Variants in MSRB3 observed in about 807,000 individuals in gnomAD.
The protein encoded by MSRB3 is methionine sulfoxide reductase B3.
In MSRB3, 13 loss-of-function variants were observed where a neutral mutation model predicts 21.0. That is an observed-to-expected ratio of 0.62 (90% CI 0.40 to 0.98). The LOEUF is 0.98. Ranked by LOEUF, MSRB3 falls within the 50% of genes least tolerant of loss-of-function variation. The probability of loss-of-function intolerance (pLI) is 0.00; values close to 1 mark genes in which losing one functional copy is unlikely to be tolerated. For missense variants in MSRB3, 199 were observed against 230.3 expected, an observed-to-expected ratio of 0.86 and a Z score of 0.88; for synonymous variants, 87 against 88.6, an observed-to-expected ratio of 0.98 and a Z score of 0.10.
chr12:65,289,037 G>A (rs1872542789), intron 1 of MSRB3, among the ~76,000 whole-genome samples: 1 of 152,166 alleles, frequency 6.6e-6, no homozygotes. Flanking sequence ...TGTGAAAGAT[G>A]CCTGTGAGAC....
At chr12:65,428,057 A>G (rs2136657626) in intron 5 of MSRB3, among the ~76,000 whole-genome samples, 1 of 152,260 alleles carries the variant, frequency 6.6e-6, no homozygotes. Context: ...AAGCAGCTCA[A>G]CAGTGGCCAC....
At chr12:65,279,145 G>C in intron 1 of MSRB3, 2 of 1,208,288 alleles carry the variant, frequency 1.7e-6, no homozygotes, top group Non-Finnish European at 2.1e-6. Context: ...CCTGTCCCGG[G>C]AGCGAACCTG....
chr12:65,284,008 C>CT lies in MSRB3; in HGVS notation c.-52+5143_-52+5144insT, dbSNP rs1319102960. ...CAGGGGGAAGGAGAGGACAGCAACT[C>CT]ATACAGAAGGAAATCAGCTTTTGTT... On this transcript the variant is annotated intron_variant, in intron 1 of 6. Transcript: ENST00000308259. 7 of 152,302 alleles carry CT rather than the reference C, an allele frequency of 4.6e-5. No homozygotes were observed. In the East Asian group the frequency reaches 1.4e-3, roughly 29 times the overall value. 9.4% of individuals were successfully genotyped at this position (152,302 alleles called of 1,614,324 possible). A position where few individuals can be genotyped will look rare whatever the true frequency, so the allele number is the denominator to read the frequency against.
At chr12:65,418,820 T>C in intron 5 of MSRB3, 1 of 917,954 alleles carries the variant, frequency 1.1e-6, no homozygotes, top group Non-Finnish European at 1.8e-6. Flanking sequence ...ATGGAGTTAC[T>C]GCTGTCCAAG....
At chr12:65,431,683 TG>T (rs1396746093) in intron 5 of MSRB3, among the ~76,000 whole-genome samples, 1 of 152,096 alleles carries the variant, frequency 6.6e-6, no homozygotes, top group Non-Finnish European at 1.5e-5. Flanking sequence ...TGAAAAATCC[TG>T]GGAAGTGAAC....
At chr12:65,314,365 A>G (rs1482862497) in intron 2 of MSRB3, among the ~76,000 whole-genome samples, 1 of 152,132 alleles carries the variant, frequency 6.6e-6, no homozygotes, top group Non-Finnish European at 1.5e-5. Flanking sequence ...TTAAGCATGA[A>G]TCGATTTTTG....
At chr12:65,287,567 A>G (rs779149814) in intron 1 of MSRB3, among the ~76,000 whole-genome samples, 10 of 152,220 alleles carry the variant, frequency 6.6e-5, no homozygotes, top group Non-Finnish European at 1.5e-4. Context: ...AGGTAAGGTC[A>G]TATCTTCCTG....
intron 5 of MSRB3, among the ~76,000 whole-genome samples, chr12:65,410,652 A>T (rs796522532): frequency 1.2e-4 from 19 of 152,238 alleles, no homozygotes; most frequent in African/African-American, 4.3e-4. Flanking sequence ...TCAAAAAAGA[A>T]ACCCCAGCTC....
intron 2 of MSRB3, among the ~76,000 whole-genome samples, chr12:65,309,711 C>G (rs1873872774): frequency 6.6e-6 from 1 of 152,178 alleles, no homozygotes; most frequent in Admixed American, 6.5e-5. Context: ...GGTGCTTGAG[C>G]TGAATCTCAG....
chr12:65,334,382 T>C (rs1875626982), intron 4 of MSRB3, among the ~76,000 whole-genome samples: 1 of 152,188 alleles, frequency 6.6e-6, no homozygotes, highest in African/African-American at 2.4e-5. Context: ...ACAGCCAGTA[T>C]ACAAATGGAT....
chr12:65,305,072 C>G, intron 1 of MSRB3: 1 of 141,344 alleles, frequency 7.1e-6, no homozygotes, highest in African/African-American at 2.6e-5. Context: ...TGTTATTTTT[C>G]TTTTTTTTTT....
chr12:65,311,995 T>G (rs1874016197), intron 2 of MSRB3, among the ~76,000 whole-genome samples: 1 of 152,022 alleles, frequency 6.6e-6, no homozygotes, highest in Non-Finnish European at 1.5e-5. Context: ...AAAGGTAATT[T>G]TTCTCTCGCA....
chr12:65,327,016 A>C (rs1313899635), intron 3 of MSRB3, 82 bp downstream of exon 3: 1 of 962,610 alleles, frequency 1.0e-6, no homozygotes. Context: ...CTTGCCAATT[A>C]ATTTAAAGCA....
intron 5 of MSRB3, among the ~76,000 whole-genome samples, chr12:65,421,451 G>C (rs1366125001): frequency 6.6e-6 from 1 of 152,172 alleles, no homozygotes; most frequent in African/African-American, 2.4e-5. Flanking sequence ...TTGCTGTGCA[G>C]AAGCTCTTAA....
intron 4 of MSRB3, among the ~76,000 whole-genome samples, chr12:65,332,518 G>A (rs372684785): frequency 2.0e-5 from 3 of 152,188 alleles, no homozygotes; most frequent in South Asian, 2.1e-4. Flanking sequence ...GAAAGCATTA[G>A]GAGATATATT....
intron 5 of MSRB3, among the ~76,000 whole-genome samples, chr12:65,426,140 G>A (rs1483583214): frequency 1.3e-5 from 2 of 152,166 alleles, no homozygotes; most frequent in South Asian, 2.1e-4. Flanking sequence ...GGGATTACAG[G>A]TGTGAGCCAC....
chr12:65,330,327 A>G (rs991060114), intron 4 of MSRB3, among the ~76,000 whole-genome samples: 1 of 152,210 alleles, frequency 6.6e-6, no homozygotes, highest in African/African-American at 2.4e-5. Flanking sequence ...CCTCTATTTC[A>G]TCTACTTCTG....
intron 2 of MSRB3, chr12:65,316,455 G>T (rs1156241736): frequency 2.0e-5 from 3 of 152,104 alleles, no homozygotes; most frequent in Non-Finnish European, 4.4e-5. Context: ...GAAAGTCCTT[G>T]GTTCCTGCAA....
chr12:65,332,075 C>A lies in MSRB3; in HGVS notation c.263+3472C>A, dbSNP rs576119023. Among the ~76,000 whole-genome samples, 14 of 152,234 alleles carry A rather than the reference C, an allele frequency of 9.2e-5. No individual in the cohort carries two copies. The South Asian group carries it at 2.3e-3, about 25-fold the overall frequency. On this transcript the variant is annotated intron_variant, in intron 4 of 6. Transcript: ENST00000308259. The stretch of plus-strand genomic sequence containing the variant: ...AGAAAGAAGTATTTAAAGGGCCCAG[C>A]CCCATTTTAGCAGAGCAGGCAAAGA...
Sources: gnomAD v4.1 joint callset for allele counts (sites outside exome capture counted in the v4.1 genomes callset) on GRCh38, gnomAD v4.1.1 for gene constraint, MANE v1.5 for transcripts, NCBI Gene and HGNC (gene_info 2026-07-23, HGNC 2026-07-21) for gene names.